Variants in CNTN4 observed in about 807,000 individuals in gnomAD.
CNTN4 encodes contactin-4.
Under a neutral mutation model 122.5 loss-of-function variants are expected in CNTN4, and 77 were observed. That is an observed-to-expected ratio of 0.63 (90% CI 0.52 to 0.76). The LOEUF (loss-of-function observed/expected upper bound fraction) is 0.76. Ranked by LOEUF, CNTN4 falls within the 30% of genes least tolerant of loss-of-function variation. The pLI is 0.00. For missense variants in CNTN4, 1,256 were observed against 1,259.1 expected, an observed-to-expected ratio of 1.00 and a Z score of 0.04; for synonymous variants, 512 against 447.0, an observed-to-expected ratio of 1.15 and a Z score of -1.83.
chr3:2,849,248 G>A (rs972054853), intron 7 of CNTN4, among the ~76,000 whole-genome samples: 1 of 152,040 alleles, frequency 6.6e-6, no homozygotes, highest in Non-Finnish European at 1.5e-5. Context: ...CCCACATGAA[G>A]CATTTGTTGA....
intron 12 of CNTN4, among the ~76,000 whole-genome samples, chr3:2,914,932 A>T (rs2094338021): frequency 6.6e-6 from 1 of 152,240 alleles, no homozygotes. Context: ...ACACAATGTC[A>T]AATTGGAATT....
At chr3:2,487,769 G>A (rs1575748542) in intron 3 of CNTN4, among the ~76,000 whole-genome samples, 3 of 152,116 alleles carry the variant, frequency 2.0e-5, no homozygotes, top group South Asian at 4.2e-4. Flanking sequence ...TGTCGTTTAC[G>A]CTTTCCTTTC....
chr3:2,319,491 G>C (rs1441183676), intron 2 of CNTN4, among the ~76,000 whole-genome samples: 1 of 152,220 alleles, frequency 6.6e-6, no homozygotes, highest in East Asian at 1.9e-4. Flanking sequence ...TCACCCCAGA[G>C]ACAGCAGAAC....
chr3:2,751,029 C>T (rs1468730773), intron 6 of CNTN4, among the ~76,000 whole-genome samples: 6 of 152,042 alleles, frequency 3.9e-5, no homozygotes, highest in Admixed American at 6.5e-5. Flanking sequence ...TGGCCAGGCG[C>T]GATGGCTCAT....
intron 3 of CNTN4, chr3:2,511,222 T>G (rs1341157333): frequency 6.6e-6 from 1 of 152,188 alleles, no homozygotes; most frequent in East Asian, 1.9e-4. Context: ...ATTACATAAA[T>G]TGCCCATTGG....
chr3:2,170,263 T>G (rs560206053), intron 2 of CNTN4, among the ~76,000 whole-genome samples: 56 of 151,772 alleles, frequency 3.7e-4, no homozygotes, highest in African/African-American at 7.5e-4. Context: ...GAGCTTGCAG[T>G]GAGCCGAGAT....
chr3:2,924,098 C>T (rs2094451947), intron 12 of CNTN4, among the ~76,000 whole-genome samples: 1 of 151,766 alleles, frequency 6.6e-6, no homozygotes, highest in Admixed American at 6.6e-5. Context: ...AAAATTTTAC[C>T]TTCGCATGAG....
At chr3:3,040,764 C>T (rs1378483832) in intron 20 of CNTN4, among the ~76,000 whole-genome samples, 1 of 152,038 alleles carries the variant, frequency 6.6e-6, no homozygotes, top group Non-Finnish European at 1.5e-5. Flanking sequence ...CCCATCTCTA[C>T]TAAAAATATA....
At chr3:2,267,484 A>T (rs1559395040) in intron 2 of CNTN4, among the ~76,000 whole-genome samples, 2 of 152,208 alleles carry the variant, frequency 1.3e-5, no homozygotes, top group South Asian at 4.2e-4. Context: ...TTCGAATAGG[A>T]TATTGTTTCA....
At chr3:2,818,597 G>T (rs143939582) in intron 6 of CNTN4, among the ~76,000 whole-genome samples, 3 of 152,250 alleles carry the variant, frequency 2.0e-5, no homozygotes, top group African/African-American at 7.2e-5. Context: ...TTATTGAGAG[G>T]ATTTACATCT....
intron 2 of CNTN4, among the ~76,000 whole-genome samples, chr3:2,170,390 T>A (rs1036131238): frequency 6.6e-5 from 10 of 151,770 alleles, no homozygotes; most frequent in African/African-American, 2.4e-4. Flanking sequence ...TACAAAAAAA[T>A]TAGAAGTAAA....
intron 4 of CNTN4, among the ~76,000 whole-genome samples, chr3:2,637,775 A>T (rs1350736270): frequency 6.6e-6 from 1 of 152,108 alleles, no homozygotes; most frequent in East Asian, 1.9e-4. Context: ...GTCCCTCTAG[A>T]TCTGTCATCT....
intron 3 of CNTN4, among the ~76,000 whole-genome samples, chr3:2,384,599 C>G (rs1485297794): frequency 2.6e-5 from 4 of 152,124 alleles, no homozygotes; most frequent in Admixed American, 2.0e-4. Context: ...AAATGCCCAG[C>G]TAAATCAGGA....
chr3:2,243,452 C>T (rs1448394178), intron 2 of CNTN4, among the ~76,000 whole-genome samples: 2 of 152,046 alleles, frequency 1.3e-5, no homozygotes, highest in African/African-American at 4.8e-5. Flanking sequence ...TGGCCCAGGA[C>T]AGCTTTTATT....
intron 4 of CNTN4, among the ~76,000 whole-genome samples, chr3:2,631,151 G>C (rs938580191): frequency 2.0e-5 from 3 of 152,100 alleles, no homozygotes; most frequent in African/African-American, 7.2e-5. Flanking sequence ...TGTTATTTCT[G>C]ACTGCTAGAA....
At chr3:2,289,374 T>C (rs886080890) in intron 2 of CNTN4, among the ~76,000 whole-genome samples, 35 of 152,184 alleles carry the variant, frequency 2.3e-4, no homozygotes, top group Non-Finnish European at 1.5e-4. Flanking sequence ...TCAAAACTTT[T>C]GTATGTTTAG....
intron 4 of CNTN4, among the ~76,000 whole-genome samples, chr3:2,705,195 C>T (rs1464767913): frequency 6.6e-6 from 1 of 150,480 alleles, no homozygotes; most frequent in Non-Finnish European, 1.5e-5. Flanking sequence ...GGTGAAACCC[C>T]GTCTCTACTA....
At chr3:2,809,748 G>C (rs541759827) in intron 6 of CNTN4, among the ~76,000 whole-genome samples, 1 of 152,232 alleles carries the variant, frequency 6.6e-6, no homozygotes, top group East Asian at 1.9e-4. Context: ...CATTATTAAC[G>C]GTGCCATATC....
chr3:2,124,474 C>CA (rs1559265723), intron 2 of CNTN4, among the ~76,000 whole-genome samples: 6,624 of 107,486 alleles, frequency 0.062, 175 homozygotes, highest in East Asian at 0.11. Flanking sequence ...ACACACACAC[C>CA]CCCTTAAGCA....
Sources: gnomAD v4.1 joint callset for allele counts (sites outside exome capture counted in the v4.1 genomes callset) on GRCh38, gnomAD v4.1.1 for gene constraint, MANE v1.5 for transcripts, NCBI Gene and HGNC (gene_info 2026-07-23, HGNC 2026-07-21) for gene names.